The following TMEM45A variants were observed in gnomAD, a reference collection of about 807,000 sequenced individuals.
TMEM45A encodes DNA polymerase-transactivated protein 4.
In TMEM45A, 25 loss-of-function variants were observed where a neutral mutation model predicts 32.0. The observed-to-expected ratio is 0.78, with a 90% CI of 0.57 to 1.09. The LOEUF (loss-of-function observed/expected upper bound fraction) is 1.09. Among genes scored for constraint, TMEM45A ranks in the 50% least tolerant of loss-of-function variants. The pLI is 0.00. For synonymous variants in TMEM45A, 122 were observed against 114.8 expected (o/e 1.06, Z -0.40); for missense variants, 302 against 325.0 (o/e 0.93, Z 0.54).
intron 3 of TMEM45A, among the ~76,000 whole-genome samples, chr3:100,557,903 C>G (rs72917813): frequency 0.037 from 5,649 of 152,236 alleles, 353 homozygotes; most frequent in African/African-American, 0.13. Flanking sequence ...TCAAAATCCA[C>G]CCGTATGTGT....
At chr3:100,500,962 A>G (rs1192422890) in intron 1 of TMEM45A, among the ~76,000 whole-genome samples, 2 of 152,234 alleles carry the variant, frequency 1.3e-5, no homozygotes, top group African/African-American at 2.4e-5. Context: ...AATTATGCTT[A>G]TGGAAATTGA....
At chr3:100,550,894 T>A (rs1169822295) in intron 1 of TMEM45A, among the ~76,000 whole-genome samples, 1 of 152,108 alleles carries the variant, frequency 6.6e-6, no homozygotes, top group African/African-American at 2.4e-5. Context: ...ATGCTTGGTA[T>A]CATTAGAAGT....
intron 1 of TMEM45A, among the ~76,000 whole-genome samples, chr3:100,537,572 CCA>C (rs1705765518): frequency 6.6e-6 from 1 of 152,114 alleles, no homozygotes; most frequent in Non-Finnish European, 1.5e-5. Flanking sequence ...AAAATACGCT[CCA>C]GTGTCCTCCT....
chr3:100,561,593 T>C lies in TMEM45A; in HGVS notation c.588+3004T>C, dbSNP rs147959378. On this transcript the variant is annotated intron_variant, in intron 4 of 5. Coordinates refer to ENST00000323523, the MANE Select transcript of TMEM45A (RefSeq NM_018004.3). The stretch of plus-strand genomic sequence containing the variant: ...CTTTCTCAATAACCTAGCCACATCA[T>C]GCAATTTAAAAAAGAAAAAAAAATC... Among the ~76,000 whole-genome samples the C allele has an allele frequency of 1.7e-4, 26 of 152,244 alleles. No homozygotes were observed. The East Asian group carries it at 4.6e-3, about 27-fold the overall frequency.
intron 1 of TMEM45A, among the ~76,000 whole-genome samples, chr3:100,524,202 C>G (rs1360313113): frequency 1.3e-5 from 2 of 152,200 alleles, no homozygotes; most frequent in Non-Finnish European, 2.9e-5. Context: ...GTGGGGGAGA[C>G]TGCCTTCTCT....
chr3:100,539,474 T>C (rs149690557), intron 1 of TMEM45A, among the ~76,000 whole-genome samples: 2,031 of 73,454 alleles, frequency 0.028, 50 homozygotes, highest in Middle Eastern at 0.056. Context: ...TATGTATATG[T>C]ATATGTATAT....
rs1050435586 is a variant in TMEM45A, at chr3:100,508,820, A to C, written c.-4+15892A>C. 4.6e-5 allele frequency among the ~76,000 whole-genome samples: 7 copies of C among 152,080 alleles called. No individual in the cohort carries two copies. In the South Asian group the frequency reaches 1.5e-3, roughly 32 times the overall value. Reference sequence around the variant, plus strand: ...GTCTCTCACTATATAAAAAAAAAAAACTCAAAATGGATTAAAAACTTTAAG... The same window carrying C: ...GTCTCTCACTATATAAAAAAAAAAACCTCAAAATGGATTAAAAACTTTAAG... On this transcript the variant is annotated intron_variant, in intron 1 of 5. Coordinates refer to ENST00000323523, the MANE Select transcript of TMEM45A (RefSeq NM_018004.3).
chr3:100,507,413 T>G (rs1259279347), intron 1 of TMEM45A, among the ~76,000 whole-genome samples: 1 of 152,238 alleles, frequency 6.6e-6, no homozygotes, highest in African/African-American at 2.4e-5. Context: ...TACTTGAAGA[T>G]GATCACAAGA....
chr3:100,506,640 A>G (rs1386791673), intron 1 of TMEM45A, among the ~76,000 whole-genome samples: 1 of 152,092 alleles, frequency 6.6e-6, no homozygotes, highest in Admixed American at 6.6e-5. Flanking sequence ...TTCAGAAAAT[A>G]TTTTTTCTGT....
At chr3:100,538,678 A>G (rs959998086) in intron 1 of TMEM45A, among the ~76,000 whole-genome samples, 2 of 152,230 alleles carry the variant, frequency 1.3e-5, no homozygotes, top group Non-Finnish European at 2.9e-5. Flanking sequence ...AATCAACAAT[A>G]GCAGCAAAAC....
intron 1 of TMEM45A, among the ~76,000 whole-genome samples, chr3:100,521,851 T>C (rs1705441960): frequency 6.6e-6 from 1 of 152,222 alleles, no homozygotes; most frequent in Admixed American, 6.5e-5. Context: ...TCTGGGCCAC[T>C]TTCCATGACT....
chr3:100,503,234 T>C (rs930652267), intron 1 of TMEM45A, among the ~76,000 whole-genome samples: 2 of 152,196 alleles, frequency 1.3e-5, no homozygotes, highest in Non-Finnish European at 2.9e-5. Flanking sequence ...GCCTCCCTAG[T>C]AGCTGGGACT....
At chr3:100,499,837 C>T (rs1331542332) in intron 1 of TMEM45A, among the ~76,000 whole-genome samples, 1 of 152,216 alleles carries the variant, frequency 6.6e-6, no homozygotes, top group African/African-American at 2.4e-5. Context: ...GATTGTGCCA[C>T]TGCACTCCAG....
chr3:100,523,006 T>C (rs1338705462), intron 1 of TMEM45A, among the ~76,000 whole-genome samples: 4 of 152,184 alleles, frequency 2.6e-5, no homozygotes, highest in Non-Finnish European at 5.9e-5. Context: ...GCATGTCCCC[T>C]GTCCCCTCCA....
At chr3:100,502,759 C>G (rs1708023364) in intron 1 of TMEM45A, among the ~76,000 whole-genome samples, 2 of 152,160 alleles carry the variant, frequency 1.3e-5, no homozygotes, top group South Asian at 2.1e-4. Context: ...ATGTGAGCCA[C>G]TGGACCTGGT....
chr3:100,565,403 C>T (rs1180974440), intron 4 of TMEM45A, among the ~76,000 whole-genome samples: 1 of 152,158 alleles, frequency 6.6e-6, no homozygotes, highest in Non-Finnish European at 1.5e-5. Context: ...CCCCGACTTA[C>T]TCTAATTATT....
intron 1 of TMEM45A, among the ~76,000 whole-genome samples, chr3:100,501,071 AT>A (rs1183883251): frequency 2.0e-5 from 3 of 152,244 alleles, no homozygotes; most frequent in African/African-American, 7.2e-5. Context: ...GAGAAAATTG[AT>A]TTTTAAAAAA....
chr3:100,569,659 A>G (rs562302355), intron 5 of TMEM45A, among the ~76,000 whole-genome samples: 42 of 152,340 alleles, frequency 2.8e-4, no homozygotes, highest in African/African-American at 9.6e-4. Context: ...AGCTTAGGAC[A>G]TAATAAGAGC....
chr3:100,571,561 A>C (rs988431671), intron 5 of TMEM45A: 10 of 152,286 alleles, frequency 6.6e-5, no homozygotes, highest in African/African-American at 1.7e-4. Flanking sequence ...GAAAACAAGA[A>C]TGAAGTTTTT....
Sources: gnomAD v4.1 joint callset for allele counts (sites outside exome capture counted in the v4.1 genomes callset) on GRCh38, gnomAD v4.1.1 for gene constraint, MANE v1.5 for transcripts, NCBI Gene and HGNC (gene_info 2026-07-23, HGNC 2026-07-21) for gene names.